The following SND1 variants were observed in gnomAD, a reference collection of about 807,000 sequenced individuals.
SND1 encodes the protein staphylococcal nuclease domain-containing protein 1.
A neutral mutation model predicts 121.7 loss-of-function variants in SND1; 38 were observed. That is an observed-to-expected ratio of 0.31 (90% confidence interval 0.24 to 0.41). The LOEUF (loss-of-function observed/expected upper bound fraction) is 0.41, where lower values mean the gene tolerates loss of function less well. Ranked by LOEUF, SND1 falls within the 10% of genes least tolerant of loss-of-function variation. The pLI, the probability that SND1 is intolerant of heterozygous loss-of-function variation, is 1.00. For synonymous variants in SND1, 401 were observed against 447.4 expected (o/e 0.90, Z 1.31); for missense variants, 868 against 1,184.6 (o/e 0.73, Z 3.92).
chr7:127,924,972 C>G (rs1316037871), intron 14 of SND1, among the ~76,000 whole-genome samples: 1 of 152,096 alleles, frequency 6.6e-6, no homozygotes, highest in African/African-American at 2.4e-5. Context: ...TAAGGGTCAT[C>G]CTGCCATTCT....
At chr7:127,661,610 C>A (rs946281783) in intron 1 of SND1, among the ~76,000 whole-genome samples, 1 of 152,058 alleles carries the variant, frequency 6.6e-6, no homozygotes, top group African/African-American at 2.4e-5. Flanking sequence ...AAAAATAATT[C>A]TCAGGTCTTA....
intron 1 of SND1, among the ~76,000 whole-genome samples, chr7:127,673,297 G>A (rs1037334974): frequency 2.7e-5 from 4 of 150,200 alleles, no homozygotes; most frequent in African/African-American, 9.8e-5. Flanking sequence ...GCTATTTTGA[G>A]ATTGTACAAA....
intron 1 of SND1, among the ~76,000 whole-genome samples, chr7:127,671,584 C>T (rs994288993): frequency 2.6e-5 from 4 of 152,186 alleles, no homozygotes; most frequent in Non-Finnish European, 4.4e-5. Flanking sequence ...CATCATAGTA[C>T]ACTATAGCCT....
At chr7:127,812,836 G>C (rs552381581) in intron 11 of SND1, among the ~76,000 whole-genome samples, 6 of 152,292 alleles carry the variant, frequency 3.9e-5, no homozygotes, top group African/African-American at 1.4e-4. Context: ...TACCTAATCA[G>C]CTGTGTTAAG....
chr7:127,843,854 A>G (rs1022360396), intron 11 of SND1, among the ~76,000 whole-genome samples: 1 of 152,166 alleles, frequency 6.6e-6, no homozygotes, highest in South Asian at 2.1e-4. Context: ...CCTACCATCA[A>G]TGAATTAGAG....
chr7:127,903,184 A>AT (rs904401151), intron 13 of SND1, among the ~76,000 whole-genome samples: 11 of 150,896 alleles, frequency 7.3e-5, no homozygotes, highest in African/African-American at 1.7e-4. Context: ...ACCCAGCCCG[A>AT]TTTTTTTTTA....
intron 10 of SND1, among the ~76,000 whole-genome samples, chr7:127,801,227 G>A (rs919723531): frequency 6.6e-6 from 1 of 152,188 alleles, no homozygotes; most frequent in Non-Finnish European, 1.5e-5. Context: ...ACTCCCATCA[G>A]TGGTTAAGGG....
intron 16 of SND1, chr7:128,028,561 C>A: frequency 1.1e-6 from 1 of 889,610 alleles, no homozygotes; most frequent in Non-Finnish European, 1.6e-6. Flanking sequence ...TTTTTTTAAC[C>A]AGCCCATAGA....
At position 127,942,286 on chromosome 7, in the gene SND1, A is replaced by G. The variant is rs558918135; in HGVS notation, c.1669+12957A>G. ...AAGCATTTATATTGCACTACAGTAC[A>G]GCATATACTTAAATATTAATATTGA... On this transcript the variant is annotated intron_variant, in intron 15 of 23. Transcript: ENST00000354725. Among the ~76,000 whole-genome samples, 12 of 152,334 alleles carry G rather than the reference A, an allele frequency of 7.9e-5. No homozygotes were observed. In the South Asian group the frequency reaches 2.5e-3, roughly 32 times the overall value.
At chr7:128,040,012 C>G (rs1018065873) in intron 16 of SND1, among the ~76,000 whole-genome samples, 1 of 152,060 alleles carries the variant, frequency 6.6e-6, no homozygotes. Context: ...GCTTCTGGTC[C>G]CCTTTGTCTA....
At chr7:127,669,517 C>A (rs1376137215) in intron 1 of SND1, among the ~76,000 whole-genome samples, 1 of 152,198 alleles carries the variant, frequency 6.6e-6, no homozygotes, top group East Asian at 1.9e-4. Flanking sequence ...TCAGTCACTA[C>A]CTATATCCTC....
intron 15 of SND1, among the ~76,000 whole-genome samples, chr7:127,954,789 A>G (rs922598368): frequency 3.3e-5 from 5 of 152,102 alleles, no homozygotes; most frequent in Non-Finnish European, 5.9e-5. Flanking sequence ...AGCCAAATTG[A>G]TGGCCTGGAC....
chr7:127,997,985 A>G (rs1260151702), intron 16 of SND1: 1 of 534,246 alleles, frequency 1.9e-6, no homozygotes, highest in Non-Finnish European at 3.9e-6. Flanking sequence ...GCACTTACCA[A>G]TAGTATACAA....
intron 10 of SND1, among the ~76,000 whole-genome samples, chr7:127,789,540 G>A (rs552627273): frequency 6.6e-6 from 1 of 152,242 alleles, no homozygotes; most frequent in Non-Finnish European, 1.5e-5. Flanking sequence ...ATATTTAATC[G>A]TAAGCTAAAC....
intron 16 of SND1, among the ~76,000 whole-genome samples, chr7:128,033,307 C>G (rs957414688): frequency 6.6e-6 from 1 of 152,192 alleles, no homozygotes; most frequent in Admixed American, 6.5e-5. Flanking sequence ...TCTCTGCCGA[C>G]TGTGGGTGAG....
At chr7:127,762,428 C>T (rs1219069827) in intron 10 of SND1, among the ~76,000 whole-genome samples, 2 of 152,200 alleles carry the variant, frequency 1.3e-5, no homozygotes, top group Admixed American at 1.3e-4. Context: ...CATGTACCCC[C>T]TACGTCTCTC....
chr7:127,778,351 C>G (rs920068190), intron 10 of SND1, among the ~76,000 whole-genome samples: 1 of 152,146 alleles, frequency 6.6e-6, no homozygotes, highest in Non-Finnish European at 1.5e-5. Context: ...GCGCGTGCCA[C>G]CACGCCCAGC....
At chr7:127,765,359 TGCAAG>T (rs776638840) in intron 10 of SND1, among the ~76,000 whole-genome samples, 4 of 152,254 alleles carry the variant, frequency 2.6e-5, no homozygotes. Flanking sequence ...CAGATCCTCA[TGCAAG>T]TATTTGTGAT....
intron 16 of SND1, among the ~76,000 whole-genome samples, chr7:128,006,642 C>G (rs1287554927): frequency 6.6e-6 from 1 of 152,222 alleles, no homozygotes; most frequent in Non-Finnish European, 1.5e-5. Context: ...GGTTCTTACA[C>G]AGAAGCAACT....
Sources: gnomAD v4.1 joint callset for allele counts (sites outside exome capture counted in the v4.1 genomes callset) on GRCh38, gnomAD v4.1.1 for gene constraint, MANE v1.5 for transcripts, NCBI Gene and HGNC (gene_info 2026-07-23, HGNC 2026-07-21) for gene names.